The following ARFIP1 variants were observed in gnomAD, a reference collection of about 807,000 sequenced individuals.
ARFIP1 encodes arfaptin-1.
ARFIP1 carries 24 observed loss-of-function variants against 42.5 expected under a neutral mutation model. The ratio of observed to expected loss-of-function variants is 0.57; its 90% confidence interval spans 0.41 to 0.80. The LOEUF (loss-of-function observed/expected upper bound fraction) is 0.80. Among genes scored for constraint, ARFIP1 ranks in the 30% least tolerant of loss-of-function variants. The pLI is 0.00. For missense variants in ARFIP1, 354 were observed against 434.0 expected, an observed-to-expected ratio of 0.82 and a Z score of 1.64; for synonymous variants, 141 against 153.7, an observed-to-expected ratio of 0.92 and a Z score of 0.61.
chr4:152,880,249 A>G (rs1023854983), intron 5 of ARFIP1, among the ~76,000 whole-genome samples: 2 of 152,172 alleles, frequency 1.3e-5, no homozygotes, highest in African/African-American at 2.4e-5. Context: ...AGGCCGAGAC[A>G]TGAGAATCAC....
intron 4 of ARFIP1, among the ~76,000 whole-genome samples, chr4:152,871,683 A>G (rs1274573594): frequency 6.6e-6 from 1 of 152,096 alleles, no homozygotes; most frequent in African/African-American, 2.4e-5. Flanking sequence ...TTTCCATCCA[A>G]AAACTGAAAT....
At chr4:152,909,316 C>T (rs1738648058) in intron 8 of ARFIP1, among the ~76,000 whole-genome samples, 1 of 152,150 alleles carries the variant, frequency 6.6e-6, no homozygotes, top group Non-Finnish European at 1.5e-5. Flanking sequence ...ACCCTGGAGG[C>T]AGAGGTTGCA....
intron 8 of ARFIP1, among the ~76,000 whole-genome samples, chr4:152,903,255 T>C (rs368287587): frequency 1.3e-5 from 2 of 152,244 alleles, no homozygotes; most frequent in African/African-American, 4.8e-5. Context: ...TTGTTCATTA[T>C]GTTTTGATTG....
intron 1 of ARFIP1, among the ~76,000 whole-genome samples, chr4:152,822,020 G>C (rs1160763719): frequency 2.0e-5 from 3 of 152,016 alleles, no homozygotes; most frequent in Admixed American, 2.0e-4. Context: ...ATTTCTGAAG[G>C]CATAAAATTC....
rs1461931651 is a variant in ARFIP1, at chr4:152,911,126, A to T, written c.*907A>T. On this transcript the variant is annotated 3_prime_UTR_variant, in exon 9 of 9. Transcript: ENST00000353617. ...ACCGTTTAAGCCTTAAATCACAGAT[A>T]TGTGCCTTCTCAGATACAGTAATTC... is the stretch of plus-strand genomic sequence containing the variant. The T allele has an allele frequency of 6.6e-6, 1 of 152,654 alleles. No individual in the cohort carries two copies. The highest frequency in any genetic ancestry group is 6.5e-5 in the Admixed American group (1 of 15,278). The allele number at this position is 152,654 out of a possible 1,614,324, so 9.5% of individuals were successfully genotyped here.
chr4:152,888,610 T>C (rs1579013331), intron 8 of ARFIP1, among the ~76,000 whole-genome samples: 1 of 152,168 alleles, frequency 6.6e-6, no homozygotes, highest in East Asian at 1.9e-4. Flanking sequence ...TAATGATAGA[T>C]TATGCTCTGA....
chr4:152,811,749 A>G (rs1729484397), intron 1 of ARFIP1, among the ~76,000 whole-genome samples: 1 of 152,216 alleles, frequency 6.6e-6, no homozygotes, highest in Non-Finnish European at 1.5e-5. Context: ...TTGGTTGTCT[A>G]ATTTGAATTT....
At chr4:152,810,620 A>G (rs1729368176) in intron 1 of ARFIP1, among the ~76,000 whole-genome samples, 1 of 151,978 alleles carries the variant, frequency 6.6e-6, no homozygotes, top group Non-Finnish European at 1.5e-5. Context: ...CATCCTGGCT[A>G]ACATGGTGAA....
At chr4:152,781,180 G>A (rs1730463622) in intron 1 of ARFIP1, among the ~76,000 whole-genome samples, 1 of 151,070 alleles carries the variant, frequency 6.6e-6, no homozygotes, top group African/African-American at 2.4e-5. Flanking sequence ...ACCAGAAATG[G>A]TTACCTTAAG....
chr4:152,815,237 C>G (rs148631700), intron 1 of ARFIP1, among the ~76,000 whole-genome samples: 1 of 152,092 alleles, frequency 6.6e-6, no homozygotes, highest in East Asian at 1.9e-4. Flanking sequence ...AATCCATGCT[C>G]ATTCATTTGC....
At chr4:152,805,980 C>T (rs1382876550) in intron 1 of ARFIP1, among the ~76,000 whole-genome samples, 1 of 152,198 alleles carries the variant, frequency 6.6e-6, no homozygotes, top group African/African-American at 2.4e-5. Flanking sequence ...TGGTTGGGGC[C>T]TGGGGCTGGG....
chr4:152,845,335 C>T (rs1400980773), intron 2 of ARFIP1, among the ~76,000 whole-genome samples: 1 of 151,968 alleles, frequency 6.6e-6, no homozygotes, highest in African/African-American at 2.4e-5. Flanking sequence ...AAAGAAATGG[C>T]AACAAAAACA....
intron 2 of ARFIP1, among the ~76,000 whole-genome samples, chr4:152,860,886 ATGT>A: frequency 6.6e-6 from 1 of 152,328 alleles, no homozygotes; most frequent in South Asian, 2.1e-4. Context: ...CAGCCTACAA[ATGT>A]TGTTAATAGA....
intron 2 of ARFIP1, among the ~76,000 whole-genome samples, chr4:152,848,820 A>G (rs1026770415): frequency 2.0e-5 from 3 of 152,050 alleles, no homozygotes; most frequent in Non-Finnish European, 4.4e-5. Flanking sequence ...CAGCCATCCT[A>G]CCCTAGGGTT....
chr4:152,881,471 TG>T (rs1395912923), intron 6 of ARFIP1, among the ~76,000 whole-genome samples: 1 of 152,222 alleles, frequency 6.6e-6, no homozygotes, highest in Non-Finnish European at 1.5e-5. Context: ...CAAGGGTTAC[TG>T]TTGTAATATG....
At chr4:152,805,052 T>A (rs1360191741) in intron 1 of ARFIP1, among the ~76,000 whole-genome samples, 2 of 152,184 alleles carry the variant, frequency 1.3e-5, no homozygotes, top group African/African-American at 4.8e-5. Context: ...AAACTCTCAA[T>A]AAAGGCCAGA....
Position 152,888,263 on chromosome 4 carries a change from C to T in ARFIP1, c.922C>T (p.Arg308Cys), listed in dbSNP as rs367792760. ...ACATAAGGAAAAATATGATAAAATGCGCAATGATGTTTCTGTCAAATTGAA... is the reference window on the plus strand; with the variant it reads ...ACATAAGGAAAAATATGATAAAATGTGCAATGATGTTTCTGTCAAATTGAA... ...QAHKEKYDKM[R>C]NDVSVKLKFL... Residue 308 changes from arginine (R) to cysteine (C), a missense_variant, in exon 8 of 9, where the codon CGC becomes TGC. Physicochemically the swap from Arg to Cys is radical, Grantham distance 180 (BLOSUM62 -3). Coordinates refer to ENST00000353617, the MANE Select transcript of ARFIP1 (RefSeq NM_001025595.3). The T allele has an allele frequency of 3.8e-5, 61 of 1,608,318 alleles. No homozygotes were observed. Among genetic ancestry groups the T allele is most frequent in the Non-Finnish European group, 4.9e-5 (58 of 1,177,620 alleles).
intron 8 of ARFIP1, among the ~76,000 whole-genome samples, chr4:152,892,329 GTC>G (rs1175350993): frequency 6.6e-6 from 1 of 152,086 alleles, no homozygotes; most frequent in East Asian, 1.9e-4. Flanking sequence ...CTCTCTCTCT[GTC>G]TCTCTTTTTG....
chr4:152,864,631 T>C (rs1734168894), intron 3 of ARFIP1, among the ~76,000 whole-genome samples: 1 of 152,216 alleles, frequency 6.6e-6, no homozygotes, highest in African/African-American at 2.4e-5. Context: ...GGTTTCTCCA[T>C]CTGTTACATA....
Sources: allele counts gnomAD v4.1 joint callset (sites outside exome capture counted in the v4.1 genomes callset), GRCh38; gene constraint gnomAD v4.1.1; transcripts MANE v1.5; gene names NCBI Gene and HGNC (gene_info 2026-07-23, HGNC 2026-07-21).